EXD1: variants seen among roughly 807,000 people sequenced by gnomAD.
EXD1 encodes piRNA biogenesis protein EXD1.
In EXD1, 63 loss-of-function variants were observed where a neutral mutation model predicts 49.1. The ratio of observed to expected loss-of-function variants is 1.28; its 90% CI spans 1.05 to 1.58. The LOEUF (loss-of-function observed/expected upper bound fraction) is 1.58, where lower values mean the gene tolerates loss of function less well. EXD1 is among the 40% of genes most tolerant of loss of function. EXD1 has a pLI of 0.00. For synonymous variants in EXD1, 234 were observed against 239.2 expected (o/e 0.98, Z 0.20); for missense variants, 748 against 666.0 (o/e 1.12, Z -1.36).
rs111464470 is a variant in EXD1 at position 41,199,714 on chromosome 15, A to G, written c.535-3677T>C. Among the ~76,000 whole-genome samples, 40 of 15,318 alleles carry G rather than the reference A, an allele frequency of 2.6e-3. 1 individual carries two copies. The highest frequency in any genetic ancestry group is 0.029 in the East Asian group (1 of 34). The allele number at this position is 15,318 out of a possible 152,430, so 10.0% of individuals were successfully genotyped here. On this transcript the variant is annotated intron_variant, in intron 7 of 11. Coordinates refer to ENST00000458580, the MANE Select transcript of EXD1 (RefSeq NM_001286441.2). ...GAGATATATTACATATATCATATAT[A>G]TGATATATTATATATGATATATATG...
At chr15:41,186,552 T>G (rs2046411776) in intron 11 of EXD1, among the ~76,000 whole-genome samples, 1 of 151,670 alleles carries the variant, frequency 6.6e-6, no homozygotes, top group South Asian at 2.1e-4. Context: ...TTCCATGTCA[T>G]TATTCCCTAA....
chr15:41,193,365 C>T (rs896992400), intron 9 of EXD1, among the ~76,000 whole-genome samples: 4 of 152,036 alleles, frequency 2.6e-5, no homozygotes, highest in African/African-American at 7.2e-5. Context: ...GCCAGCTAGT[C>T]GGGAGCTGAA....
Position 41,215,820 on chromosome 15 carries a change from C to T in EXD1, c.402G>A (p.Val134=), listed in dbSNP as rs1430497669. Residue 134 remains valine (V), a synonymous_variant, in exon 6 of 12, where the codon GTG becomes GTA. Transcript: ENST00000458580. ...GGAATTGATTAATGACTGTGTATGT[C>T]ACCTCCTCTTCCTCTACAAGACAAG... is the stretch of plus-strand genomic sequence containing the variant. The part of the protein sequence containing the change: ...LKYSPSEEEE[V]TYTVINQFQQ... The T allele has an allele frequency of 9.9e-6, 16 of 1,613,970 alleles. No individual in the cohort carries two copies. The highest frequency in any genetic ancestry group is 1.4e-5 in the Non-Finnish European group (16 of 1,179,938).
chr15:41,216,967 C>T, intron 4 of EXD1, 130 bp downstream of exon 4: 1 of 1,261,222 alleles, frequency 7.9e-7, no homozygotes, highest in Non-Finnish European at 1.1e-6. Flanking sequence ...AAGAAAACAC[C>T]TATATATTTC....
chr15:41,222,208 A>T lies in EXD1; in HGVS notation c.134-2310T>A, dbSNP rs111570314. ...GGCAGGCAGATCACCTGAGGTCAGG[A>T]GTTCAAGACCAGCCTGGTCAACATG... On this transcript the variant is annotated intron_variant, in intron 2 of 11. Coordinates refer to ENST00000458580, the MANE Select transcript of EXD1 (RefSeq NM_001286441.2). Among the ~76,000 whole-genome samples, 231 of 152,286 alleles carry T rather than the reference A, an allele frequency of 1.5e-3. 1 individual carries two copies. Among genetic ancestry groups the T allele is most frequent in the African/African-American group, 5.4e-3 (223 of 41,538 alleles).
chr15:41,191,004 C>T (rs756292971), intron 10 of EXD1, among the ~76,000 whole-genome samples: 1 of 152,074 alleles, frequency 6.6e-6, no homozygotes, highest in Non-Finnish European at 1.5e-5. Context: ...ATGTCCACCG[C>T]CCCTGCCCCC....
At chr15:41,224,549 C>A (rs2047133909) in intron 2 of EXD1, among the ~76,000 whole-genome samples, 1 of 151,866 alleles carries the variant, frequency 6.6e-6, no homozygotes, top group African/African-American at 2.4e-5. Flanking sequence ...GTAGCACAAC[C>A]AAAGATGACA....
chr15:41,186,412 C>T (rs1157003558), intron 11 of EXD1, among the ~76,000 whole-genome samples: 1 of 127,322 alleles, frequency 7.9e-6, no homozygotes, highest in East Asian at 2.7e-4. Flanking sequence ...GTGGAGGTTG[C>T]AATGAGCCAA....
intron 7 of EXD1, among the ~76,000 whole-genome samples, chr15:41,197,690 C>T (rs956477305): frequency 1.3e-5 from 2 of 151,764 alleles, no homozygotes; most frequent in Admixed American, 6.6e-5. Flanking sequence ...GTTGCCCAGG[C>T]TGGATCTTGG....
intron 11 of EXD1, among the ~76,000 whole-genome samples, chr15:41,185,437 C>G (rs1371700346): frequency 6.6e-6 from 1 of 151,968 alleles, no homozygotes; most frequent in African/African-American, 2.4e-5. Flanking sequence ...CCTATAACAC[C>G]TGGCCTTTAG....
chr15:41,191,520 C>T lies in EXD1; in HGVS notation c.786G>A (p.Leu262=). 6.2e-7 allele frequency: 1 copy of T among 1,613,940 alleles called. No homozygotes were observed. The highest frequency in any genetic ancestry group is 8.5e-7 in the Non-Finnish European group (1 of 1,179,896). The change falls in exon 10 of 12, where the codon TTG becomes TTA. Residue 262 remains leucine, a synonymous_variant. Coordinates refer to ENST00000458580, the MANE Select transcript of EXD1 (RefSeq NM_001286441.2). ...GGYLPNCITT[L]QESLIKHLQV... is the part of the protein sequence containing the mutation. ...GAAGGTGTTTGATTAAACTCTCCTG[C>T]AAAGTAGTGATGCAGTTTGGAAGAT...
intron 1 of EXD1, among the ~76,000 whole-genome samples, chr15:41,229,314 C>G (rs1272474219): frequency 2.0e-5 from 3 of 152,102 alleles, no homozygotes; most frequent in Non-Finnish European, 4.4e-5. Flanking sequence ...CCTGTCTCTA[C>G]TAAAAATACA....
At chr15:41,202,070 C>T (rs1239851499) in intron 7 of EXD1, among the ~76,000 whole-genome samples, 3 of 151,968 alleles carry the variant, frequency 2.0e-5, no homozygotes, top group African/African-American at 7.2e-5. Context: ...TGTGATGCCA[C>T]TTCTGTCATT....
At chr15:41,197,309 C>T (rs546671728) in intron 7 of EXD1, among the ~76,000 whole-genome samples, 155 of 150,886 alleles carry the variant, frequency 1.0e-3, no homozygotes, top group Non-Finnish European at 1.8e-3. Flanking sequence ...CTCACTGCAA[C>T]CTCTGCTGTC....
Position 41,191,576 on chromosome 15 carries a change from CA to C in EXD1, c.729del (p.Asp243GlufsTer24), listed in dbSNP as rs2046518173. On this transcript the variant is annotated frameshift_variant, in exon 10 of 12. Coordinates refer to ENST00000458580, the MANE Select transcript of EXD1 (RefSeq NM_001286441.2). LOFTEE classifies it high-confidence loss of function. ...LNNVFDTQVA[D>X]VLQFSMETGG... Reference sequence around the variant, plus strand: ...CCCGTTTCCATGGAAAACTGAAGTACATCTGCTACCTGTGGTATTTTAAAAA... The same window carrying C: ...CCCGTTTCCATGGAAAACTGAAGTACTCTGCTACCTGTGGTATTTTAAAAA... 1.9e-6 allele frequency: 3 copies of C among 1,613,884 alleles called. No individual in the cohort carries two copies.
intron 7 of EXD1, among the ~76,000 whole-genome samples, chr15:41,196,472 A>C (rs1038681191): frequency 2.0e-5 from 3 of 151,972 alleles, no homozygotes; most frequent in African/African-American, 7.3e-5. Context: ...GCACGCCACC[A>C]TGCCCAGCTA....
intron 9 of EXD1, among the ~76,000 whole-genome samples, chr15:41,194,305 C>A (rs922974655): frequency 6.6e-6 from 1 of 151,974 alleles, no homozygotes; most frequent in Non-Finnish European, 1.5e-5. Flanking sequence ...GCCACCGTGC[C>A]GGGCCTGAAA....
chr15:41,188,177 C>G (rs1383498596), intron 11 of EXD1, among the ~76,000 whole-genome samples: 4 of 149,590 alleles, frequency 2.7e-5, no homozygotes, highest in Non-Finnish European at 5.9e-5. Context: ...ACTTCTACTA[C>G]TTTTTTTTTT....
chr15:41,188,910 C>G (rs146027040), intron 11 of EXD1, among the ~76,000 whole-genome samples: 2,616 of 148,250 alleles, frequency 0.018, 36 homozygotes, highest in Non-Finnish European at 0.026. Flanking sequence ...TCAAGCTGTT[C>G]TCCTGCCTCA....
Sources: gnomAD v4.1 joint callset for allele counts (sites outside exome capture counted in the v4.1 genomes callset) on GRCh38, gnomAD v4.1.1 for gene constraint, MANE v1.5 for transcripts, NCBI Gene and HGNC (gene_info 2026-07-23, HGNC 2026-07-21) for gene names.